The following USP15 variants were observed in gnomAD, a reference collection of about 807,000 sequenced individuals.
USP15 encodes the protein ubiquitin carboxyl-terminal hydrolase 15.
USP15 carries 18 observed loss-of-function variants against 127.1 expected under a neutral mutation model. The observed-to-expected ratio is 0.14, with a 90% CI of 0.10 to 0.21. USP15 has a LOEUF of 0.21. USP15 is among the 10% of genes least tolerant of loss of function. The pLI is 1.00. For missense variants in USP15, 805 were observed against 1,159.9 expected (o/e 0.69, Z 4.44); for synonymous variants, 364 against 393.7 (o/e 0.92, Z 0.89).
chr12:62,314,566 T>C (rs2064777601), intron 3 of USP15, among the ~76,000 whole-genome samples: 1 of 151,918 alleles, frequency 6.6e-6, no homozygotes, highest in African/African-American at 2.4e-5. Flanking sequence ...TGTTTTAAAA[T>C]CATGATTATT....
rs765734584 is a variant in USP15, at chr12:62,410,830, CAAGTT to C, written c.*6458_*6462del. ...TTAATAACTAATAGCATTGATGAGT[CAAGTT>C]AATATTTGTTTTTGTTTTTTTTTTT... On this transcript the variant is annotated 3_prime_UTR_variant, in exon 22 of 22. Coordinates refer to ENST00000280377, the MANE Select transcript of USP15 (RefSeq NM_001252078.2). 16 of 145,394 alleles carry C rather than the reference CAAGTT, an allele frequency of 1.1e-4. No homozygotes were observed. Among genetic ancestry groups the C allele is most frequent in the Non-Finnish European group, 2.1e-4 (14 of 66,530 alleles). The allele number at this position is 145,394 out of a possible 1,614,324, so 9.0% of individuals were successfully genotyped here. A position where few individuals can be genotyped will look rare whatever the true frequency, so the allele number is the denominator to read the frequency against.
intron 3 of USP15, 94 bp downstream of exon 3, chr12:62,303,014 A>G: frequency 7.0e-7 from 1 of 1,429,912 alleles, no homozygotes; most frequent in Non-Finnish European, 9.4e-7. Context: ...TTCATCACTT[A>G]TCTTAGAGAA....
At position 62,390,914 on chromosome 12, in the gene USP15, A is replaced by G. The variant is rs1046122068; in HGVS notation, c.1895A>G (p.His632Arg). Residue 632 changes from histidine (H) to arginine (R), a missense_variant, in exon 15 of 22, where the codon CAC becomes CGC. His to Arg is a conservative substitution (Grantham distance 29). Transcript: ENST00000280377. ...TETEETEGSLHCCKDQNINGN... is the reference protein window; with the variant it reads ...TETEETEGSLRCCKDQNINGN... The stretch of plus-strand genomic sequence containing the variant: ...ACTGAAGAAACTGAAGGATCCCTAC[A>G]CTGCTGTAAGGACCAAAATATTAAT... 9.3e-6 allele frequency: 15 copies of G among 1,612,690 alleles called. No individual in the cohort carries two copies. The highest frequency in any genetic ancestry group is 1.2e-5 in the Non-Finnish European group (14 of 1,179,284).
intron 1 of USP15, among the ~76,000 whole-genome samples, chr12:62,271,688 T>C (rs1346885887): frequency 6.6e-6 from 1 of 151,706 alleles, no homozygotes; most frequent in Non-Finnish European, 1.5e-5. Flanking sequence ...CATATATGCT[T>C]ATCACGCTTA....
intron 3 of USP15, chr12:62,304,828 C>G: frequency 5.1e-6 from 1 of 194,294 alleles, no homozygotes; most frequent in Middle Eastern, 1.2e-3. Context: ...GCTTATTATG[C>G]TTAAAAAAAA....
At chr12:62,310,521 C>T (rs746515266) in intron 3 of USP15, among the ~76,000 whole-genome samples, 13 of 151,796 alleles carry the variant, frequency 8.6e-5, no homozygotes, top group East Asian at 3.9e-4. Context: ...CTTAATATAA[C>T]GACCTCCGGC....
In USP15 at chr12:62,351,628, C is replaced by A. The variant is rs561341675; in HGVS notation, c.770+2321C>A. Among the ~76,000 whole-genome samples, 20 of 152,090 alleles carry A rather than the reference C, an allele frequency of 1.3e-4. No individual in the cohort carries two copies. In the South Asian group the frequency reaches 3.5e-3, roughly 27 times the overall value. ...ACAGTATAATCTAATCTCAAAACCT[C>A]TGACTGCAGAAACTATTGAGAGAAA... On this transcript the variant is annotated intron_variant, in intron 7 of 21. Transcript: ENST00000280377.
intron 6 of USP15, among the ~76,000 whole-genome samples, chr12:62,328,969 G>GA (rs34369523): frequency 2.0e-5 from 3 of 151,558 alleles, no homozygotes; most frequent in Admixed American, 6.6e-5. Context: ...TGGCTATTTG[G>GA]AAAAAAAAGC....
intron 6 of USP15, among the ~76,000 whole-genome samples, chr12:62,337,079 A>C (rs984244646): frequency 1.3e-5 from 2 of 152,202 alleles, no homozygotes; most frequent in Non-Finnish European, 1.5e-5. Context: ...ATTTTTTAAA[A>C]CATCACCTAT....
At chr12:62,337,125 A>G (rs1405660293) in intron 6 of USP15, among the ~76,000 whole-genome samples, 1 of 152,212 alleles carries the variant, frequency 6.6e-6, no homozygotes, top group Non-Finnish European at 1.5e-5. Flanking sequence ...GAAGCTGTCA[A>G]CTTTGTGGTG....
At chr12:62,284,289 T>C (rs1267318882) in intron 1 of USP15, among the ~76,000 whole-genome samples, 1 of 152,204 alleles carries the variant, frequency 6.6e-6, no homozygotes, top group African/African-American at 2.4e-5. Flanking sequence ...AGTAAAGTCA[T>C]TGCTAGTCTA....
chr12:62,342,930 G>T, intron 6 of USP15, among the ~76,000 whole-genome samples: 1 of 152,196 alleles, frequency 6.6e-6, no homozygotes, highest in Non-Finnish European at 1.5e-5. Context: ...GGTACGCTGT[G>T]CTGGGAGAAT....
At chr12:62,305,700 C>T (rs1212100176) in intron 3 of USP15, 3 of 152,074 alleles carry the variant, frequency 2.0e-5, no homozygotes, top group Non-Finnish European at 4.4e-5. Context: ...GAATTAACTA[C>T]ACAATAGTGT....
In USP15 at chr12:62,381,647, C is replaced by T; in HGVS notation, c.1073C>T (p.Thr358Ile). ...TGGTCTGGAAAGTTTAGCTACGTCA[C>T]CCCAAGAGCCTTTAAGGTTAGTGTG... ...QMWSGKFSYVTPRAFKTQVGR... is the reference protein window; with the variant it reads ...QMWSGKFSYVIPRAFKTQVGR... The change falls in exon 9 of 22, where the codon ACC (threonine) becomes ATC (isoleucine). Residue 358 changes from threonine to isoleucine, a missense_variant. Around this residue, in one of 11 missense-constraint regions of USP15, gnomAD observed 84 missense variants for 210.3 expected, o/e 0.40. Transcript: ENST00000280377. The T allele has an allele frequency of 6.2e-7, 1 of 1,611,092 alleles. No individual in the cohort carries two copies. Among genetic ancestry groups the T allele is most frequent in the Non-Finnish European group, 8.5e-7 (1 of 1,178,168 alleles).
intron 3 of USP15, chr12:62,314,044 A>C: frequency 3.4e-6 from 3 of 892,590 alleles, no homozygotes; most frequent in Non-Finnish European, 4.0e-6. Context: ...GATCGAAAGG[A>C]ATTATACTTA....
chr12:62,270,227 T>TTTTA (rs1168536097), intron 1 of USP15, among the ~76,000 whole-genome samples: 12 of 152,116 alleles, frequency 7.9e-5, no homozygotes, highest in African/African-American at 2.9e-4. Flanking sequence ...TATTTTGTCT[T>TTTTA]TTTATTATTG....
intron 8 of USP15, among the ~76,000 whole-genome samples, chr12:62,356,353 A>G (rs1031843521): frequency 6.6e-6 from 1 of 151,944 alleles, no homozygotes; most frequent in Non-Finnish European, 1.5e-5. Flanking sequence ...TGATAAGGAC[A>G]TTATTAGACA....
In USP15 at chr12:62,297,247, A is replaced by G. The variant is rs149042346; in HGVS notation, c.217+2941A>G. Reference sequence around the variant, plus strand: ...GCTGCAGCTGCCACAACCCTGTAATATTGGGAGAAGGCATAGAACCTGAGA... The same window carrying G: ...GCTGCAGCTGCCACAACCCTGTAATGTTGGGAGAAGGCATAGAACCTGAGA... On this transcript the variant is annotated intron_variant, in intron 2 of 21. Coordinates refer to ENST00000280377, the MANE Select transcript of USP15 (RefSeq NM_001252078.2). Among the ~76,000 whole-genome samples the G allele has an allele frequency of 6.6e-3, 1,008 of 152,330 alleles. 11 individuals carry two copies. Among genetic ancestry groups the G allele is most frequent in the Non-Finnish European group, 0.01 (681 of 68,026 alleles).
intron 1 of USP15, among the ~76,000 whole-genome samples, chr12:62,265,875 C>G (rs1329337919): frequency 1.3e-5 from 2 of 152,040 alleles, no homozygotes; most frequent in Admixed American, 6.6e-5. Context: ...TTTAAAGATT[C>G]ATTTTTTAAA....
Sources: allele counts gnomAD v4.1 joint callset (sites outside exome capture counted in the v4.1 genomes callset), GRCh38; gene constraint gnomAD v4.1.1; regional missense constraint gnomAD v4.1.1; transcripts MANE v1.5; gene names NCBI Gene and HGNC (gene_info 2026-07-23, HGNC 2026-07-21).